ARID3A: variants seen among roughly 807,000 people sequenced by gnomAD.
ARID3A encodes the protein AT-rich interaction domain 3A, also known as AT-rich interactive domain-containing protein 3A.
In ARID3A, 11 loss-of-function variants were observed where a neutral mutation model predicts 52.7. The ratio of observed to expected loss-of-function variants is 0.21; its 90% CI spans 0.13 to 0.35. The LOEUF is 0.35. ARID3A is among the 10% of genes least tolerant of loss of function. ARID3A has a pLI of 1.00. For missense variants in ARID3A, 721 were observed against 838.5 expected (o/e 0.86, Z 1.73); for synonymous variants, 404 against 359.4 (o/e 1.12, Z -1.40).
chr19:964,686 A>T lies in ARID3A; in HGVS notation c.951-147A>T. ...GCATTGAGATGGAGGGAATGGGCAA[A>T]GGCCCAGCAGCTCTGGGGGCTGCTG... On this transcript the variant is annotated intron_variant, in intron 5 of 8. Transcript: ENST00000263620. The surrounding 1 kb of genome is among the most constrained non-coding windows in gnomAD (Gnocchi z 5.7). 7.4e-7 allele frequency: 1 copy of T among 1,353,124 alleles called. No homozygotes were observed. The highest frequency in any genetic ancestry group is 9.9e-7 in the Non-Finnish European group (1 of 1,013,262). 83.8% of individuals were successfully genotyped at this position (1,353,124 alleles called of 1,614,324 possible).
In ARID3A at chr19:975,691, G is replaced by A. The variant is rs1316673372; in HGVS notation, c.*3626G>A. ...GTCTCGCCCTGGCCGCGGCAGGGTGGCCTGTAACAATTTCAGTTTTCGCAG... is the reference window on the plus strand; with the variant it reads ...GTCTCGCCCTGGCCGCGGCAGGGTGACCTGTAACAATTTCAGTTTTCGCAG... On this transcript the variant is annotated 3_prime_UTR_variant, in exon 9 of 9. Transcript: ENST00000263620. The A allele has an allele frequency of 4.9e-6, 1 of 204,874 alleles. No individual in the cohort carries two copies. The highest frequency in any genetic ancestry group is 7.2e-5 in the East Asian group (1 of 13,900). 12.7% of individuals were successfully genotyped at this position (204,874 alleles called of 1,614,324 possible). A position where few individuals can be genotyped will look rare whatever the true frequency, so the allele number is the denominator to read the frequency against.
In ARID3A at chr19:972,151, C is replaced by T. The variant is rs112390252; in HGVS notation, c.*86C>T. The stretch of plus-strand genomic sequence containing the variant: ...GTGGGCCACACAGGGGCCAGGATGG[C>T]GGAAGATACGGGTGGGGAGGGAAGA... On this transcript the variant is annotated 3_prime_UTR_variant, in exon 9 of 9. Coordinates refer to ENST00000263620, the MANE Select transcript of ARID3A (RefSeq NM_005224.3). 1.1e-4 allele frequency: 142 copies of T among 1,285,958 alleles called. No homozygotes were observed. Among genetic ancestry groups the T allele is most frequent in the African/African-American group, 9.8e-4 (61 of 62,422 alleles). 79.7% of individuals were successfully genotyped at this position (1,285,958 alleles called of 1,614,324 possible).
At chr19:956,271 C>T (rs546644609) in intron 3 of ARID3A, among the ~76,000 whole-genome samples, 50 of 152,322 alleles carry the variant, frequency 3.3e-4, no homozygotes, top group African/African-American at 1.1e-3. Context: ...CTGTCCCCCT[C>T]TCCGCCCTGC....
intron 7 of ARID3A, among the ~76,000 whole-genome samples, chr19:968,009 C>T (rs1231166429): frequency 2.0e-5 from 3 of 146,394 alleles, no homozygotes; most frequent in African/African-American, 7.6e-5. Context: ...CGCACCACTG[C>T]ACTCCAGCCT....
chr19:931,638 C>T (rs1402291460), intron 2 of ARID3A, among the ~76,000 whole-genome samples: 1 of 151,914 alleles, frequency 6.6e-6, no homozygotes, highest in Non-Finnish European at 1.5e-5. Flanking sequence ...CGGTGAAACC[C>T]CGTCTCCACT....
At position 972,821 on chromosome 19, in the gene ARID3A, A is replaced by ACC. The variant is rs1568377846; in HGVS notation, c.*756_*757insCC. On this transcript the variant is annotated 3_prime_UTR_variant, in exon 9 of 9. Coordinates refer to ENST00000263620, the MANE Select transcript of ARID3A (RefSeq NM_005224.3). ...AAAAGCAAAAAAAAAAAAAAAAAAA[A>ACC]AAAAAAAAAACTCACCTTTTTATTT... 8 of 171,402 alleles carry ACC rather than the reference A, an allele frequency of 4.7e-5. No homozygotes were observed. Among genetic ancestry groups the ACC allele is most frequent in the Admixed American group, 3.4e-4 (5 of 14,808 alleles). The allele number at this position is 171,402 out of a possible 1,614,324, so 10.6% of individuals were successfully genotyped here.
At position 934,663 on chromosome 19, in the gene ARID3A, G is replaced by A. The variant is rs565611129; in HGVS notation, c.693+1921G>A. ...AAAGCTCGGCTTGTGTGTAGGGACC[G>A]GGTGCCGCCTCTGGGTCTTGCGGGA... On this transcript the variant is annotated intron_variant, in intron 3 of 8. Coordinates refer to ENST00000263620, the MANE Select transcript of ARID3A (RefSeq NM_005224.3). 5.3e-5 allele frequency among the ~76,000 whole-genome samples: 8 copies of A among 152,282 alleles called. No individual in the cohort carries two copies. In the East Asian group the frequency reaches 5.8e-4, roughly 11 times the overall value.
chr19:965,148 G>A (rs1342082544), intron 6 of ARID3A, 68 bp downstream of exon 6: 8 of 1,491,752 alleles, frequency 5.4e-6, no homozygotes, highest in Non-Finnish European at 5.4e-6. Context: ...TGACCTTGGG[G>A]GATACCTCTT....
intron 3 of ARID3A, among the ~76,000 whole-genome samples, chr19:957,313 G>A (rs2037942906): frequency 6.6e-6 from 1 of 152,208 alleles, no homozygotes; most frequent in East Asian, 1.9e-4. Flanking sequence ...GGAGACAGGA[G>A]GACCGGGATG....
In ARID3A at chr19:964,060, T is replaced by G. The variant is rs2038097060; in HGVS notation, c.767-188T>G. Among the ~76,000 whole-genome samples the G allele has an allele frequency of 6.6e-6, 1 of 152,136 alleles. No homozygotes were observed. Among genetic ancestry groups the G allele is most frequent in the Non-Finnish European group, 1.5e-5 (1 of 68,014 alleles). On this transcript the variant is annotated intron_variant, in intron 4 of 8. Transcript: ENST00000263620. This position sits in a 1 kb window ranked among gnomAD's most constrained non-coding sequence, Gnocchi z 5.7. ...GCAGAGCTGCCCCCTCTGCACCCTC[T>G]CGAGCAGAGGTTCCCAGCCTGGATG...
Position 975,073 on chromosome 19 carries a change from C to A in ARID3A, c.*3008C>A, listed in dbSNP as rs1599437289. ...CAACCCCAGCCGTGCCCATCTCCTG[C>A]CACCGCCTGTCGGTGGGGGTTTAAA... On this transcript the variant is annotated 3_prime_UTR_variant, in exon 9 of 9. Transcript: ENST00000263620. 1.3e-5 allele frequency: 3 copies of A among 231,924 alleles called. No individual in the cohort carries two copies. The East Asian group carries it at 1.8e-4, about 14-fold the overall frequency. 14.4% of individuals were successfully genotyped at this position (231,924 alleles called of 1,614,324 possible). A position where few individuals can be genotyped will look rare whatever the true frequency, so the allele number is the denominator to read the frequency against.
At chr19:957,800 C>T (rs1020654451) in intron 3 of ARID3A, among the ~76,000 whole-genome samples, 7 of 152,070 alleles carry the variant, frequency 4.6e-5, no homozygotes, top group South Asian at 4.1e-4. Flanking sequence ...GCTATGATTG[C>T]GCCACTGCAC....
intron 3 of ARID3A, among the ~76,000 whole-genome samples, chr19:955,110 G>T (rs3746140): frequency 0.03 from 4,527 of 152,260 alleles, 214 homozygotes; most frequent in East Asian, 0.19. Context: ...GAGAACCAAG[G>T]CCTGGGTTTG....
chr19:933,669 C>G (rs1568356427), intron 3 of ARID3A, among the ~76,000 whole-genome samples: 1 of 152,120 alleles, frequency 6.6e-6, no homozygotes, highest in African/African-American at 2.4e-5. Flanking sequence ...CACAGACACC[C>G]AGGGGGGCCT....
intron 3 of ARID3A, among the ~76,000 whole-genome samples, chr19:933,582 A>G (rs2037377529): frequency 6.6e-6 from 1 of 152,070 alleles, no homozygotes; most frequent in African/African-American, 2.4e-5. Context: ...ACGCTGGGAC[A>G]TGCCTGCCTC....
chr19:975,314 C>T lies in ARID3A; in HGVS notation c.*3249C>T. 1 of 231,546 alleles carries T rather than the reference C, an allele frequency of 4.3e-6. No homozygotes were observed. The highest frequency in any genetic ancestry group is 6.1e-5 in the East Asian group (1 of 16,396). 14.3% of individuals were successfully genotyped at this position (231,546 alleles called of 1,614,324 possible). On this transcript the variant is annotated 3_prime_UTR_variant, in exon 9 of 9. Coordinates refer to ENST00000263620, the MANE Select transcript of ARID3A (RefSeq NM_005224.3). ...GGAGAAAGGCGGCTTCTGGAACCTT[C>T]CGTGGGACCCGTAAGTGGCTGTCCA...
chr19:940,292 T>C (rs563554948), intron 3 of ARID3A, among the ~76,000 whole-genome samples: 40 of 152,124 alleles, frequency 2.6e-4, no homozygotes, highest in Middle Eastern at 6.8e-3. Flanking sequence ...TGATACCTGA[T>C]GAGCCAAAAA....
At position 932,673 on chromosome 19, in the gene ARID3A, C is replaced by T. The variant is rs759231638; in HGVS notation, c.624C>T (p.Ala208=). 24 of 1,545,812 alleles carry T rather than the reference C, an allele frequency of 1.6e-5. No homozygotes were observed. The highest frequency in any genetic ancestry group is 7.2e-5 in the South Asian group (6 of 83,908). The change falls in exon 3 of 9, where the codon GCC becomes GCT. Residue 208 remains alanine (A), a synonymous_variant. Coordinates refer to ENST00000263620, the MANE Select transcript of ARID3A (RefSeq NM_005224.3). Reference sequence around the variant, plus strand: ...CTGGCCCTGCCCACCCCGGAGGGGCCGCCCACGTAGCCCCGCAGCTGCAGC... The same window carrying T: ...CTGGCCCTGCCCACCCCGGAGGGGCTGCCCACGTAGCCCCGCAGCTGCAGC... ...PGPGPAHPGG[A]AHVAPQLQPP... is the part of the protein sequence containing the mutation.
chr19:960,621 C>T lies in ARID3A; in HGVS notation c.766+457C>T, dbSNP rs1467892595. Among the ~76,000 whole-genome samples, 6 of 152,066 alleles carry T rather than the reference C, an allele frequency of 3.9e-5. No individual in the cohort carries two copies. The highest frequency in any genetic ancestry group is 7.4e-5 in the Non-Finnish European group (5 of 67,996). ...GCGAGATGGCTTAGAGTCTAATGAT[C>T]TCATGGCGGCCAATGCGACATTTGA... On this transcript the variant is annotated intron_variant, in intron 4 of 8. Transcript: ENST00000263620. The surrounding 1 kb of genome is among the most constrained non-coding windows in gnomAD (Gnocchi z 4.3).
Sources: gnomAD v4.1 joint callset for allele counts (sites outside exome capture counted in the v4.1 genomes callset) on GRCh38, gnomAD v4.1.1 for gene constraint, Gnocchi (gnomAD v3.1) non-coding constraint, MANE v1.5 for transcripts, NCBI Gene and HGNC (gene_info 2026-07-23, HGNC 2026-07-21) for gene names.